ASCC3: variants seen among roughly 807,000 people sequenced by gnomAD.
ASCC3 encodes the protein ASC-1 complex subunit P200.
A neutral mutation model predicts 256.3 loss-of-function variants in ASCC3; 158 were observed. The ratio of observed to expected loss-of-function variants is 0.62; its 90% confidence interval spans 0.54 to 0.70. ASCC3 has a LOEUF of 0.70. Ranked by LOEUF, ASCC3 falls within the 30% of genes least tolerant of loss-of-function variation. The probability of loss-of-function intolerance (pLI) is 0.00; values close to 1 mark genes in which losing one functional copy is unlikely to be tolerated. For synonymous variants in ASCC3, 948 were observed against 883.4 expected, an observed-to-expected ratio of 1.07 and a Z score of -1.30; for missense variants, 2,259 against 2,626.0, an observed-to-expected ratio of 0.86 and a Z score of 3.05.
intron 30 of ASCC3, among the ~76,000 whole-genome samples, chr6:100,624,864 T>A (rs62422679): frequency 0.06 from 9,067 of 151,990 alleles, 390 homozygotes; most frequent in South Asian, 0.11. Context: ...TAAAAAAAGA[T>A]TATTATATAT....
intron 11 of ASCC3, among the ~76,000 whole-genome samples, chr6:100,720,600 C>T (rs1302649226): frequency 6.6e-6 from 1 of 151,632 alleles, no homozygotes; most frequent in Admixed American, 6.6e-5. Flanking sequence ...GTGGCTGGAA[C>T]CTCTGGTAGC....
intron 23 of ASCC3, 87 bp from the exon 24 acceptor site, chr6:100,642,836 T>G: frequency 1.4e-5 from 17 of 1,176,008 alleles, no homozygotes; most frequent in East Asian, 2.5e-5. Flanking sequence ...ACGGTATCTC[T>G]ACAAGATATA....
At chr6:100,781,948 A>C (rs969559622) in intron 8 of ASCC3, among the ~76,000 whole-genome samples, 14 of 151,918 alleles carry the variant, frequency 9.2e-5, no homozygotes, top group African/African-American at 2.4e-5. Context: ...ATATATTTAT[A>C]TCTCTCTATA....
chr6:100,814,240 G>A (rs1044359071), intron 4 of ASCC3, among the ~76,000 whole-genome samples: 4 of 152,098 alleles, frequency 2.6e-5, no homozygotes, highest in Non-Finnish European at 5.9e-5. Context: ...GATGAATTAC[G>A]TTTATTGATT....
chr6:100,536,099 C>G (rs1165892102), intron 37 of ASCC3, among the ~76,000 whole-genome samples: 1 of 152,160 alleles, frequency 6.6e-6, no homozygotes, highest in Non-Finnish European at 1.5e-5. Flanking sequence ...AAAAAAAGAA[C>G]TGTAAACAAC....
chr6:100,595,879 A>G (rs1164176257), intron 34 of ASCC3, among the ~76,000 whole-genome samples: 4 of 152,078 alleles, frequency 2.6e-5, no homozygotes, highest in Admixed American at 2.6e-4. Flanking sequence ...ATTAATTCCA[A>G]TTTTTATTTT....
chr6:100,655,822 C>A lies in ASCC3; in HGVS notation c.2704-4G>T, dbSNP rs1775889315. Reference sequence around the variant, plus strand: ...TAGTAACTGTTCCCAGAGCAATCTGCAAATCAAAAAGATGACAGAAATTAA... The same window carrying A: ...TAGTAACTGTTCCCAGAGCAATCTGAAAATCAAAAAGATGACAGAAATTAA... On this transcript the variant is annotated splice_polypyrimidine_tract_variant and splice_region_variant and intron_variant, in intron 16 of 41. Transcript: ENST00000369162. 6.2e-7 allele frequency: 1 copy of A among 1,610,096 alleles called. No individual in the cohort carries two copies. Among genetic ancestry groups the A allele is most frequent in the Non-Finnish European group, 8.5e-7 (1 of 1,178,682 alleles).
chr6:100,760,430 T>G (rs1781370043), intron 10 of ASCC3, among the ~76,000 whole-genome samples: 1 of 152,204 alleles, frequency 6.6e-6, no homozygotes, highest in Non-Finnish European at 1.5e-5. Flanking sequence ...TGGATTACAT[T>G]TATTGATTTG....
At chr6:100,571,313 C>T (rs1770580687) in intron 36 of ASCC3, among the ~76,000 whole-genome samples, 2 of 152,232 alleles carry the variant, frequency 1.3e-5, no homozygotes, top group South Asian at 4.1e-4. Context: ...ATATCATCTT[C>T]TCAGAATGGC....
chr6:100,721,705 G>GT (rs1206940620), intron 11 of ASCC3, among the ~76,000 whole-genome samples: 2 of 151,554 alleles, frequency 1.3e-5, no homozygotes, highest in Non-Finnish European at 3.0e-5. Context: ...AATTTATGTG[G>GT]TAAAAAGTAA....
At chr6:100,526,626 CT>C (rs1412968626) in intron 37 of ASCC3, among the ~76,000 whole-genome samples, 45 of 152,284 alleles carry the variant, frequency 3.0e-4, no homozygotes, top group African/African-American at 1.1e-3. Context: ...TATCACTTCC[CT>C]AGTGGAGAAT....
At chr6:100,697,207 C>G (rs1318924907) in intron 13 of ASCC3, among the ~76,000 whole-genome samples, 1 of 150,668 alleles carries the variant, frequency 6.6e-6, no homozygotes, top group South Asian at 2.1e-4. Context: ...AGGTGTGAAA[C>G]AAAACAAGAT....
chr6:100,684,952 A>G (rs1235674367), intron 13 of ASCC3, among the ~76,000 whole-genome samples: 1 of 151,534 alleles, frequency 6.6e-6, no homozygotes, highest in Admixed American at 6.6e-5. Context: ...GACTACAGGC[A>G]CCCGCCACCA....
intron 10 of ASCC3, among the ~76,000 whole-genome samples, chr6:100,760,498 A>C (rs1184369081): frequency 1.3e-5 from 2 of 152,210 alleles, no homozygotes; most frequent in Non-Finnish European, 2.9e-5. Flanking sequence ...GTTGTGGATA[A>C]GTTTTTTGAT....
At chr6:100,646,239 C>T (rs375925428) in intron 22 of ASCC3, among the ~76,000 whole-genome samples, 2 of 152,122 alleles carry the variant, frequency 1.3e-5, no homozygotes, top group South Asian at 2.1e-4. Context: ...GAATCTCACT[C>T]GTTGACATAT....
intron 36 of ASCC3, among the ~76,000 whole-genome samples, chr6:100,570,035 T>C (rs958662230): frequency 1.3e-5 from 2 of 152,202 alleles, no homozygotes; most frequent in African/African-American, 2.4e-5. Flanking sequence ...TTTAATTTTG[T>C]TGTGGCTATT....
chr6:100,662,673 T>C (rs1467503913), intron 14 of ASCC3, 137 bp from the exon 15 acceptor site: 4 of 714,650 alleles, frequency 5.6e-6, no homozygotes, highest in South Asian at 1.9e-5. Context: ...TCTTAGTATA[T>C]AATGCTTTAT....
intron 36 of ASCC3, among the ~76,000 whole-genome samples, chr6:100,552,406 G>A (rs547236965): frequency 1.3e-5 from 2 of 151,848 alleles, no homozygotes; most frequent in African/African-American, 2.4e-5. Context: ...TTTTATTCAA[G>A]TAACCATACA....
intron 4 of ASCC3, 172 bp downstream of exon 4, chr6:100,847,976 C>A: frequency 1.7e-6 from 1 of 580,808 alleles, no homozygotes; most frequent in Non-Finnish European, 2.9e-6. Context: ...CCTCCTGTAA[C>A]TATCCATTAG....
Sources: gnomAD v4.1 joint callset for allele counts (sites outside exome capture counted in the v4.1 genomes callset) on GRCh38, gnomAD v4.1.1 for gene constraint, MANE v1.5 for transcripts, NCBI Gene and HGNC (gene_info 2026-07-23, HGNC 2026-07-21) for gene names.